ALK: variants seen among roughly 807,000 people sequenced by gnomAD.
The protein encoded by ALK is ALK tyrosine kinase receptor.
In ALK, 74 loss-of-function variants were observed where a neutral mutation model predicts 163.1. The observed-to-expected ratio is 0.45, with a 90% CI of 0.38 to 0.55. The LOEUF is 0.55. ALK is among the 20% of genes least tolerant of loss of function. ALK has a pLI of 0.00. For synonymous variants in ALK, 960 were observed against 843.2 expected, an observed-to-expected ratio of 1.14 and a Z score of -2.40; for missense variants, 2,063 against 2,105.3, an observed-to-expected ratio of 0.98 and a Z score of 0.39.
At chr2:29,763,510 C>T (rs906954204) in intron 1 of ALK, among the ~76,000 whole-genome samples, 6 of 152,096 alleles carry the variant, frequency 3.9e-5, no homozygotes, top group Admixed American at 1.3e-4. Context: ...ATAAAAATAA[C>T]GAGTGCCTCA....
At chr2:29,344,999 T>C (rs912910847) in intron 5 of ALK, among the ~76,000 whole-genome samples, 1 of 152,204 alleles carries the variant, frequency 6.6e-6, no homozygotes, top group Non-Finnish European at 1.5e-5. Context: ...ATTAGGTTGG[T>C]GCAAAAGCTA....
chr2:29,737,340 T>TG (rs142714507), intron 1 of ALK, among the ~76,000 whole-genome samples: 5,224 of 152,188 alleles, frequency 0.034, 146 homozygotes, highest in South Asian at 0.069. Flanking sequence ...GAATTACTTT[T>TG]GAAAAACAAA....
intron 4 of ALK, among the ~76,000 whole-genome samples, chr2:29,465,768 G>T (rs137931135): frequency 6.6e-6 from 1 of 152,002 alleles, no homozygotes; most frequent in African/African-American, 2.4e-5. Flanking sequence ...TGAAAAACTG[G>T]ATCTACCTAA....
At chr2:29,454,921 G>A (rs747356117) in intron 4 of ALK, among the ~76,000 whole-genome samples, 11 of 152,168 alleles carry the variant, frequency 7.2e-5, no homozygotes, top group South Asian at 2.1e-4. Context: ...AGTCCTATGC[G>A]GTTAGTTTCA....
In ALK at chr2:29,467,376, A is replaced by G. The variant is rs141941637; in HGVS notation, c.1154+64539T>C. ...TTTGGCACTGTTGCTGGCCTTGGGA[A>G]TATGGCAGTGAACAAGCCCTCAGAG... On this transcript the variant is annotated intron_variant, in intron 4 of 28. Coordinates refer to ENST00000389048, the MANE Select transcript of ALK (RefSeq NM_004304.5). 3.2e-3 allele frequency among the ~76,000 whole-genome samples: 481 copies of G among 152,332 alleles called. 3 individuals are homozygous for G. The highest frequency in any genetic ancestry group is 0.014 in the Middle Eastern group (4 of 294).
rs951838709 is a variant in ALK, at chr2:29,726,050, G to A, written c.668-8353C>T. On this transcript the variant is annotated intron_variant, in intron 1 of 28. Coordinates refer to ENST00000389048, the MANE Select transcript of ALK (RefSeq NM_004304.5). ...CTGGCCCTACCTAACTGGCCAAGGTGGACTCACACTGGCTTTTGGTAGCTG... is the reference window on the plus strand; with the variant it reads ...CTGGCCCTACCTAACTGGCCAAGGTAGACTCACACTGGCTTTTGGTAGCTG... 2.0e-5 allele frequency among the ~76,000 whole-genome samples: 3 copies of A among 152,150 alleles called. No homozygotes were observed. In the East Asian group the frequency reaches 5.8e-4, roughly 29 times the overall value.
chr2:29,855,704 A>G (rs1666121236), intron 1 of ALK, among the ~76,000 whole-genome samples: 2 of 152,232 alleles, frequency 1.3e-5, no homozygotes, highest in South Asian at 2.1e-4. Context: ...TAGAGCCACA[A>G]GGTCAGAGAA....
At chr2:29,480,268 G>C (rs999216134) in intron 4 of ALK, among the ~76,000 whole-genome samples, 8 of 152,062 alleles carry the variant, frequency 5.3e-5, no homozygotes, top group Non-Finnish European at 1.2e-4. Context: ...CGAGGCTTTA[G>C]ATTTATTTAT....
intron 4 of ALK, among the ~76,000 whole-genome samples, chr2:29,471,132 T>A (rs1323988359): frequency 6.6e-6 from 1 of 152,204 alleles, no homozygotes; most frequent in Non-Finnish European, 1.5e-5. Context: ...TTAATTATGT[T>A]AATAGGATAT....
intron 3 of ALK, among the ~76,000 whole-genome samples, chr2:29,582,661 G>C (rs1674741881): frequency 6.6e-6 from 1 of 152,176 alleles, no homozygotes; most frequent in Non-Finnish European, 1.5e-5. Context: ...ATCTTCCAAA[G>C]CCTGGCATCA....
chr2:29,220,627 A>G, intron 23 of ALK, 79 bp downstream of exon 23: 1 of 1,603,786 alleles, frequency 6.2e-7, no homozygotes, highest in Admixed American at 1.7e-5. Flanking sequence ...CTTGCTACCC[A>G]GGCTGCCCAC....
intron 8 of ALK, among the ~76,000 whole-genome samples, chr2:29,301,210 C>G (rs533010066): frequency 5.8e-4 from 88 of 152,266 alleles, no homozygotes; most frequent in African/African-American, 2.1e-3. Flanking sequence ...TTTTCTCTAC[C>G]TGCTTTTTCC....
chr2:29,892,757 T>C (rs558322521), intron 1 of ALK, among the ~76,000 whole-genome samples: 1 of 152,306 alleles, frequency 6.6e-6, no homozygotes, highest in South Asian at 2.1e-4. Context: ...ATTAATGCAA[T>C]GAGAATGCAT....
chr2:29,304,041 T>A (rs1666438680), intron 8 of ALK, among the ~76,000 whole-genome samples: 2 of 152,202 alleles, frequency 1.3e-5, no homozygotes, highest in Admixed American at 1.3e-4. Flanking sequence ...AAAAAAAAGA[T>A]ACAAGCAGTC....
In ALK at chr2:29,375,528, A is replaced by T. The variant is rs550307356; in HGVS notation, c.1282+8204T>A. On this transcript the variant is annotated intron_variant, in intron 5 of 28. Coordinates refer to ENST00000389048, the MANE Select transcript of ALK (RefSeq NM_004304.5). ...GAGACAGGGTTTCACCATGTTGGCC[A>T]GGATGGTCTTGATCTCCTGACCTCG... Among the ~76,000 whole-genome samples, 3 of 152,232 alleles carry T rather than the reference A, an allele frequency of 2.0e-5. No individual in the cohort carries two copies. The South Asian group carries it at 6.2e-4, about 32-fold the overall frequency.
In ALK at chr2:29,227,744, TG is replaced by T; in HGVS notation, c.2816-73del. ...AAATCTTAACACACACACACGTCAGTGGGGCATGCAGCTCTGGCCAAAGTTA... is the reference window on the plus strand; with the variant it reads ...AAATCTTAACACACACACACGTCAGTGGGCATGCAGCTCTGGCCAAAGTTA... On this transcript the variant is annotated intron_variant, in intron 16 of 28. Coordinates refer to ENST00000389048, the MANE Select transcript of ALK (RefSeq NM_004304.5). This position sits in a 1 kb window ranked among gnomAD's most constrained non-coding sequence, Gnocchi z 4.4. 8.0e-7 allele frequency: 1 copy of T among 1,247,064 alleles called. No individual in the cohort carries two copies. The highest frequency in any genetic ancestry group is 1.2e-5 in the South Asian group (1 of 82,904). The allele number at this position is 1,247,064 out of a possible 1,614,324, so 77.2% of individuals were successfully genotyped here. A position where few individuals can be genotyped will look rare whatever the true frequency, so the allele number is the denominator to read the frequency against.
chr2:29,442,887 C>T (rs1670582011), intron 4 of ALK, among the ~76,000 whole-genome samples: 1 of 152,078 alleles, frequency 6.6e-6, no homozygotes, highest in Non-Finnish European at 1.5e-5. Flanking sequence ...CCTTCCAGGT[C>T]GAAGATCTCT....
chr2:29,846,506 G>T (rs1188782084), intron 1 of ALK, among the ~76,000 whole-genome samples: 1 of 152,172 alleles, frequency 6.6e-6, no homozygotes, highest in East Asian at 1.9e-4. Flanking sequence ...CACGCAGCAG[G>T]CATGTAAACA....
intron 3 of ALK, among the ~76,000 whole-genome samples, chr2:29,592,947 C>T (rs1250992252): frequency 6.6e-6 from 1 of 152,182 alleles, no homozygotes; most frequent in African/African-American, 2.4e-5. Flanking sequence ...TTGACGCTGG[C>T]CTCCAGAGCT....
Sources: gnomAD v4.1 joint callset for allele counts (sites outside exome capture counted in the v4.1 genomes callset) on GRCh38, gnomAD v4.1.1 for gene constraint, Gnocchi (gnomAD v3.1) non-coding constraint, MANE v1.5 for transcripts, NCBI Gene and HGNC (gene_info 2026-07-23, HGNC 2026-07-21) for gene names.